Variants in ERBB4 observed in about 807,000 individuals in gnomAD.
ERBB4 encodes erb-b2 receptor tyrosine kinase 4, also known as receptor tyrosine-protein kinase erbB-4.
ERBB4 carries 42 observed loss-of-function variants against 158.0 expected under a neutral mutation model. The ratio of observed to expected loss-of-function variants is 0.27; its 90% CI spans 0.21 to 0.34. ERBB4 has a LOEUF of 0.34. Ranked by LOEUF, ERBB4 falls within the 10% of genes least tolerant of loss-of-function variation. ERBB4 has a pLI of 1.00. For missense variants in ERBB4, 1,333 were observed against 1,624.1 expected, an observed-to-expected ratio of 0.82 and a Z score of 3.08; for synonymous variants, 583 against 558.7, an observed-to-expected ratio of 1.04 and a Z score of -0.61.
intron 19 of ERBB4, among the ~76,000 whole-genome samples, chr2:211,588,569 T>C (rs954811027): frequency 6.6e-6 from 1 of 152,182 alleles, no homozygotes; most frequent in Non-Finnish European, 1.5e-5. Context: ...TTTTGACTCA[T>C]CTAATTCCCA....
intron 1 of ERBB4, among the ~76,000 whole-genome samples, chr2:212,127,269 C>A (rs1285405866): frequency 6.6e-6 from 1 of 152,150 alleles, no homozygotes; most frequent in Non-Finnish European, 1.5e-5. Context: ...TTGAATGTGG[C>A]CCAACACAAA....
intron 20 of ERBB4, among the ~76,000 whole-genome samples, chr2:211,524,648 G>A (rs1483583325): frequency 0.11 from 9 of 82 alleles, no homozygotes; most frequent in African/African-American, 0.25. Context: ...GCCCGGGGCC[G>A]GCAGGGCCGC....
At chr2:212,515,127 C>T (rs1305163491) in intron 1 of ERBB4, among the ~76,000 whole-genome samples, 1 of 152,172 alleles carries the variant, frequency 6.6e-6, no homozygotes, top group Non-Finnish European at 1.5e-5. Flanking sequence ...AAAGCTGAAA[C>T]ACTTTTGGTT....
intron 4 of ERBB4, among the ~76,000 whole-genome samples, chr2:211,755,356 G>A (rs947095536): frequency 5.9e-5 from 9 of 152,198 alleles, no homozygotes; most frequent in East Asian, 3.9e-4. Flanking sequence ...GCAAAAATCG[G>A]TCGGGCTTGT....
intron 20 of ERBB4, among the ~76,000 whole-genome samples, chr2:211,465,739 CGA>C (rs1290235976): frequency 6.6e-6 from 1 of 152,074 alleles, no homozygotes; most frequent in Non-Finnish European, 1.5e-5. Context: ...ACTTGCCGGT[CGA>C]GAGTAGCCAA....
chr2:211,785,940 T>C (rs1014700754), intron 4 of ERBB4, among the ~76,000 whole-genome samples: 4 of 152,200 alleles, frequency 2.6e-5, no homozygotes, highest in East Asian at 1.9e-4. Context: ...AAAAATATTA[T>C]GAGAAGAGGT....
At position 211,378,952 on chromosome 2, in the gene ERBB4, G is replaced by C. The variant is rs2062527983; in HGVS notation, c.*4663C>G. The C allele has an allele frequency of 4.3e-6, 1 of 231,306 alleles. No homozygotes were observed. Among genetic ancestry groups the C allele is most frequent in the Non-Finnish European group, 8.5e-6 (1 of 117,106 alleles). The allele number at this position is 231,306 out of a possible 1,614,324, so 14.3% of individuals were successfully genotyped here. A position where few individuals can be genotyped will look rare whatever the true frequency, so the allele number is the denominator to read the frequency against. On this transcript the variant is annotated 3_prime_UTR_variant, in exon 28 of 28. Coordinates refer to ENST00000342788, the MANE Select transcript of ERBB4 (RefSeq NM_005235.3). ...TCAGCTCTAGGATCCTCTGCCCACA[G>C]TATACAGTAGAAGTTAATTTATCTG...
intron 4 of ERBB4, among the ~76,000 whole-genome samples, chr2:211,761,351 T>A (rs978561502): frequency 2.5e-4 from 38 of 152,222 alleles, no homozygotes; most frequent in Admixed American, 2.0e-4. Flanking sequence ...TAAAGTACAT[T>A]ATATAACATC....
chr2:212,535,231 C>A (rs1173696954), intron 1 of ERBB4, among the ~76,000 whole-genome samples: 1 of 151,334 alleles, frequency 6.6e-6, no homozygotes, highest in Non-Finnish European at 1.5e-5. Context: ...TTCTAAAAAG[C>A]CCCCTTTTAT....
chr2:212,290,359 G>GAT lies in ERBB4; in HGVS notation c.83-165458_83-165457dup, dbSNP rs1324727805. Among the ~76,000 whole-genome samples the GAT allele has an allele frequency of 4.6e-5, 7 of 152,160 alleles. No individual in the cohort carries two copies. In the South Asian group the frequency reaches 1.2e-3, roughly 27 times the overall value. ...CACACAGTAGTACATAGCATTGTGT[G>GAT]ATATATATATGAAGTAGTCTTTACC... On this transcript the variant is annotated intron_variant, in intron 1 of 27. Coordinates refer to ENST00000342788, the MANE Select transcript of ERBB4 (RefSeq NM_005235.3).
intron 3 of ERBB4, among the ~76,000 whole-genome samples, chr2:211,799,419 TTGTC>T (rs1279580093): frequency 6.6e-6 from 1 of 152,170 alleles, no homozygotes; most frequent in African/African-American, 2.4e-5. Flanking sequence ...TTGCGGATCT[TTGTC>T]TGCTTCTTGA....
At chr2:212,271,819 A>G (rs1223406828) in intron 1 of ERBB4, among the ~76,000 whole-genome samples, 3 of 151,766 alleles carry the variant, frequency 2.0e-5, no homozygotes, top group Non-Finnish European at 2.9e-5. Flanking sequence ...AGGTTGATAC[A>G]TATCTACATT....
intron 1 of ERBB4, among the ~76,000 whole-genome samples, chr2:212,255,997 A>ATT (rs746469311): frequency 0.35 from 34,185 of 98,926 alleles, 4,644 homozygotes; most frequent in Non-Finnish European, 0.43. Context: ...AGTTTTATTT[A>ATT]TTTATTTTTT....
chr2:212,133,396 G>GTTTTTTTTTTTTTT (rs575131971), intron 1 of ERBB4, among the ~76,000 whole-genome samples: 2 of 137,138 alleles, frequency 1.5e-5, no homozygotes, highest in Admixed American at 7.0e-5. Context: ...TCATTTTGGT[G>GTTTTTTTTTTTTTT]TTTTTTTTTT....
chr2:211,554,184 G>T (rs1298811730), intron 20 of ERBB4, among the ~76,000 whole-genome samples: 2 of 152,180 alleles, frequency 1.3e-5, no homozygotes, highest in African/African-American at 4.8e-5. Flanking sequence ...AGAATGCAGA[G>T]TGGTTTGGAG....
intron 20 of ERBB4, among the ~76,000 whole-genome samples, chr2:211,521,252 C>T (rs889703558): frequency 1.3e-5 from 2 of 152,080 alleles, no homozygotes; most frequent in African/African-American, 2.4e-5. Flanking sequence ...ACTAAAAGTG[C>T]TACTCCAGTG....
intron 1 of ERBB4, among the ~76,000 whole-genome samples, chr2:212,362,421 C>T (rs1182366396): frequency 6.6e-6 from 1 of 151,252 alleles, no homozygotes; most frequent in East Asian, 1.9e-4. Context: ...TTCTTAGCAA[C>T]TGCAAGCCCA....
chr2:211,737,007 A>G (rs1340293133), intron 5 of ERBB4, among the ~76,000 whole-genome samples: 1 of 152,202 alleles, frequency 6.6e-6, no homozygotes, highest in African/African-American at 2.4e-5. Flanking sequence ...TAAAGAGGGT[A>G]TTACTTATTA....
Position 211,734,909 on chromosome 2 carries a change from C to CAAAA in ERBB4, c.623-9719_623-9716dup, listed in dbSNP as rs570006497. ...GCCTGGGCGACAAGCGAGACTCTGT[C>CAAAA]AAAAAAAAAAAAAAAAAAAAAAGAC... On this transcript the variant is annotated intron_variant, in intron 5 of 27. Coordinates refer to ENST00000342788, the MANE Select transcript of ERBB4 (RefSeq NM_005235.3). Among the ~76,000 whole-genome samples, 580 of 69,198 alleles carry CAAAA rather than the reference C, an allele frequency of 8.4e-3. 51 individuals are homozygous for CAAAA. The highest frequency in any genetic ancestry group is 0.03 in the African/African-American group (468 of 15,732). The allele number at this position is 69,198 out of a possible 152,430, so 45.4% of individuals were successfully genotyped here. A position where few individuals can be genotyped will look rare whatever the true frequency, so the allele number is the denominator to read the frequency against.
Sources: gnomAD v4.1 joint callset for allele counts (sites outside exome capture counted in the v4.1 genomes callset) on GRCh38, gnomAD v4.1.1 for gene constraint, MANE v1.5 for transcripts, NCBI Gene and HGNC (gene_info 2026-07-23, HGNC 2026-07-21) for gene names.